Variants in SMYD3 observed in about 807,000 individuals in gnomAD.
SMYD3 encodes histone-lysine N-methyltransferase SMYD3.
A neutral mutation model predicts 57.7 loss-of-function variants in SMYD3; 36 were observed. The observed-to-expected ratio is 0.62, with a 90% CI of 0.48 to 0.82. The LOEUF (loss-of-function observed/expected upper bound fraction) is 0.82, where lower values mean the gene tolerates loss of function less well. SMYD3 is among the 40% of genes least tolerant of loss of function. SMYD3 has a pLI of 0.00. For synonymous variants in SMYD3, 211 were observed against 195.0 expected, an observed-to-expected ratio of 1.08 and a Z score of -0.68; for missense variants, 515 against 538.8, an observed-to-expected ratio of 0.96 and a Z score of 0.44.
chr1:246,265,308 T>TTC (rs1337939392), intron 5 of SMYD3, among the ~76,000 whole-genome samples: 1 of 94,860 alleles, frequency 1.1e-5, no homozygotes, highest in African/African-American at 3.6e-5. Flanking sequence ...ATTTTTGTAT[T>TTC]TTTTTTTTTT....
At chr1:245,750,982 G>A (rs2362932) in intron 11 of SMYD3, among the ~76,000 whole-genome samples, 51,822 of 152,050 alleles carry the variant, frequency 0.34, 9,185 homozygotes, top group East Asian at 0.56. Flanking sequence ...CTAGGCCCCA[G>A]GAGATTCCAA....
At chr1:245,917,034 T>TG (rs2055479123) in intron 7 of SMYD3, among the ~76,000 whole-genome samples, 1 of 144,474 alleles carries the variant, frequency 6.9e-6, no homozygotes, top group African/African-American at 2.5e-5. Flanking sequence ...CATTGGGCTT[T>TG]AAAAAAAAAA....
intron 5 of SMYD3, among the ~76,000 whole-genome samples, chr1:246,030,863 T>G (rs2059659121): frequency 6.6e-6 from 1 of 152,170 alleles, no homozygotes; most frequent in South Asian, 2.1e-4. Context: ...AGTGGAACGC[T>G]TACATCAAAC....
chr1:246,117,930 T>A (rs1041177843), intron 5 of SMYD3, among the ~76,000 whole-genome samples: 2 of 152,320 alleles, frequency 1.3e-5, no homozygotes, highest in African/African-American at 4.8e-5. Context: ...ACTTAAGAGA[T>A]AATAGTTACA....
chr1:246,109,688 C>T (rs1051614422), intron 5 of SMYD3: 2 of 152,212 alleles, frequency 1.3e-5, no homozygotes, highest in Admixed American at 1.3e-4. Flanking sequence ...AAGCCTCTGA[C>T]CTAGTTTTCA....
At chr1:246,159,326 G>GCTCTACT (rs1191769928) in intron 5 of SMYD3, among the ~76,000 whole-genome samples, 2 of 152,062 alleles carry the variant, frequency 1.3e-5, no homozygotes, top group African/African-American at 4.8e-5. Context: ...GCTCACCGGG[G>GCTCTACT]GCTGCTCTAC....
intron 5 of SMYD3, among the ~76,000 whole-genome samples, chr1:246,241,163 T>G (rs1027670532): frequency 4.5e-4 from 69 of 152,296 alleles, no homozygotes; most frequent in African/African-American, 1.6e-3. Context: ...CATCCCTGTC[T>G]TGTGCCAGTT....
At chr1:246,290,541 T>A (rs570821639) in intron 5 of SMYD3, among the ~76,000 whole-genome samples, 2 of 152,280 alleles carry the variant, frequency 1.3e-5, no homozygotes, top group East Asian at 3.9e-4. Context: ...AACTTTCGAG[T>A]GTGAGAGTTT....
rs563635743 is a variant in SMYD3 at position 246,450,216 on chromosome 1, G to A, written c.164+56838C>T. 3.3e-5 allele frequency among the ~76,000 whole-genome samples: 5 copies of A among 152,152 alleles called. No individual in the cohort carries two copies. The South Asian group carries it at 8.3e-4, about 25-fold the overall frequency. ...GCAGGAGAATGGCTTGAACGCCTCCGGGAGGCGGAGGTTGAGGTGAGCCGA... is the reference window on the plus strand; with the variant it reads ...GCAGGAGAATGGCTTGAACGCCTCCAGGAGGCGGAGGTTGAGGTGAGCCGA... On this transcript the variant is annotated intron_variant, in intron 1 of 11. Coordinates refer to ENST00000490107, the MANE Select transcript of SMYD3 (RefSeq NM_001167740.2).
chr1:245,934,746 T>A (rs1006274170), intron 5 of SMYD3, among the ~76,000 whole-genome samples: 3 of 151,978 alleles, frequency 2.0e-5, no homozygotes, highest in Non-Finnish European at 2.9e-5. Context: ...GATTTCGGCA[T>A]CTGTTTCAAT....
intron 5 of SMYD3, among the ~76,000 whole-genome samples, chr1:246,178,543 A>G (rs2062473592): frequency 6.6e-6 from 1 of 152,190 alleles, no homozygotes; most frequent in Non-Finnish European, 1.5e-5. Context: ...CTGCTCGATC[A>G]ATATTTACTG....
At chr1:246,194,393 C>T (rs1426228257) in intron 5 of SMYD3, among the ~76,000 whole-genome samples, 3 of 152,002 alleles carry the variant, frequency 2.0e-5, no homozygotes, top group Admixed American at 1.3e-4. Context: ...CTCAGCCTCC[C>T]GAGTAGCTGG....
intron 5 of SMYD3, among the ~76,000 whole-genome samples, chr1:246,210,642 G>A (rs974736692): frequency 6.6e-6 from 1 of 151,750 alleles, no homozygotes; most frequent in African/African-American, 2.4e-5. Context: ...CCCGGGAAGC[G>A]GAGGTTGCAG....
At chr1:245,879,708 G>T (rs1243144356) in intron 8 of SMYD3, among the ~76,000 whole-genome samples, 1 of 152,132 alleles carries the variant, frequency 6.6e-6, no homozygotes, top group African/African-American at 2.4e-5. Flanking sequence ...GGAAAATATG[G>T]TCATGAAACT....
chr1:246,034,991 C>T (rs1264386964), intron 5 of SMYD3, among the ~76,000 whole-genome samples: 1 of 152,120 alleles, frequency 6.6e-6, no homozygotes, highest in Non-Finnish European at 1.5e-5. Flanking sequence ...TATGAAGCGT[C>T]ATAGTGTTCC....
chr1:245,895,840 G>A (rs1165670214), intron 8 of SMYD3, among the ~76,000 whole-genome samples: 1 of 152,184 alleles, frequency 6.6e-6, no homozygotes, highest in Non-Finnish European at 1.5e-5. Context: ...TAGGTGTCGT[G>A]GAGGGTCTCA....
intron 1 of SMYD3, among the ~76,000 whole-genome samples, chr1:246,387,117 C>T (rs2066495762): frequency 1.3e-5 from 2 of 152,244 alleles, no homozygotes; most frequent in Admixed American, 6.5e-5. Flanking sequence ...AATAATATTA[C>T]CATTTAGAAG....
At chr1:246,419,922 G>C (rs2067117650) in intron 1 of SMYD3, among the ~76,000 whole-genome samples, 1 of 152,250 alleles carries the variant, frequency 6.6e-6, no homozygotes, top group African/African-American at 2.4e-5. Context: ...CACGACTTGA[G>C]CTGTGGCTCA....
At chr1:246,464,047 G>C (rs2067847409) in intron 1 of SMYD3, among the ~76,000 whole-genome samples, 1 of 152,056 alleles carries the variant, frequency 6.6e-6, no homozygotes, top group Non-Finnish European at 1.5e-5. Context: ...TGGAGTCTCT[G>C]TTTATTAACA....
Sources: gnomAD v4.1 joint callset for allele counts (sites outside exome capture counted in the v4.1 genomes callset) on GRCh38, gnomAD v4.1.1 for gene constraint, MANE v1.5 for transcripts, NCBI Gene and HGNC (gene_info 2026-07-23, HGNC 2026-07-21) for gene names.